The following RNGTT variants were observed in gnomAD, a reference collection of about 807,000 sequenced individuals.
The protein encoded by RNGTT is mRNA-capping enzyme.
A neutral mutation model predicts 79.3 loss-of-function variants in RNGTT; 33 were observed. That is an observed-to-expected ratio of 0.42 (90% confidence interval 0.32 to 0.56). The LOEUF (loss-of-function observed/expected upper bound fraction) is 0.56. RNGTT is among the 20% of genes least tolerant of loss of function. The pLI, the probability that RNGTT is intolerant of heterozygous loss-of-function variation, is 0.17. For missense variants in RNGTT, 497 were observed against 739.1 expected, an observed-to-expected ratio of 0.67 and a Z score of 3.80; for synonymous variants, 222 against 235.9, an observed-to-expected ratio of 0.94 and a Z score of 0.54.
intron 1 of RNGTT, among the ~76,000 whole-genome samples, chr6:88,954,920 T>C (rs567912640): frequency 1.4e-4 from 22 of 151,994 alleles, no homozygotes; most frequent in Admixed American, 8.5e-4. Context: ...TAAAAATACA[T>C]GGTGGCACGG....
At chr6:88,935,785 CT>C (rs1238846737) in intron 2 of RNGTT, among the ~76,000 whole-genome samples, 1 of 152,066 alleles carries the variant, frequency 6.6e-6, no homozygotes, top group Non-Finnish European at 1.5e-5. Flanking sequence ...CTTTCACTTC[CT>C]TGGTTAAATT....
chr6:88,943,321 G>A (rs1275108636), intron 1 of RNGTT, among the ~76,000 whole-genome samples: 2 of 152,088 alleles, frequency 1.3e-5, no homozygotes, highest in African/African-American at 4.8e-5. Flanking sequence ...TCTTTTAGCA[G>A]CTCAAGACCA....
chr6:88,780,560 C>T (rs1013056553), intron 12 of RNGTT, among the ~76,000 whole-genome samples: 2 of 151,838 alleles, frequency 1.3e-5, no homozygotes, highest in African/African-American at 4.8e-5. Flanking sequence ...AAATAATTAT[C>T]AGAGCTATAG....
intron 12 of RNGTT, among the ~76,000 whole-genome samples, chr6:88,789,278 C>T (rs570538115): frequency 3.2e-4 from 48 of 152,110 alleles, no homozygotes; most frequent in African/African-American, 1.2e-3. Flanking sequence ...AAAATTAGGC[C>T]GGGTGTGTTA....
intron 1 of RNGTT, among the ~76,000 whole-genome samples, chr6:88,958,893 A>G (rs1014195213): frequency 3.9e-5 from 6 of 152,230 alleles, no homozygotes; most frequent in African/African-American, 1.4e-4. Flanking sequence ...TATCTGAAAA[A>G]GCCACTTGCA....
intron 11 of RNGTT, among the ~76,000 whole-genome samples, chr6:88,824,782 T>C (rs993839349): frequency 4.0e-5 from 6 of 151,556 alleles, no homozygotes; most frequent in Non-Finnish European, 8.8e-5. Flanking sequence ...GGAGACGTCT[T>C]ACTCTGTCAT....
chr6:88,782,751 C>T (rs886666456), intron 12 of RNGTT, among the ~76,000 whole-genome samples: 3 of 152,038 alleles, frequency 2.0e-5, no homozygotes, highest in Admixed American at 6.6e-5. Context: ...AGACACTTCT[C>T]AAAATAAGAA....
chr6:88,912,455 T>C (rs1582122440), intron 4 of RNGTT, among the ~76,000 whole-genome samples: 2 of 151,992 alleles, frequency 1.3e-5, no homozygotes, highest in Admixed American at 1.3e-4. Flanking sequence ...AACTATCTAA[T>C]ATCGCATCTA....
At position 88,890,674 on chromosome 6, in the gene RNGTT, A is replaced by T. The variant is rs528497449; in HGVS notation, c.795-78T>A. 39 of 850,904 alleles carry T rather than the reference A, an allele frequency of 4.6e-5. No individual in the cohort carries two copies. In the South Asian group the frequency reaches 6.1e-4, roughly 13 times the overall value. 52.7% of individuals were successfully genotyped at this position (850,904 alleles called of 1,614,324 possible). On this transcript the variant is annotated intron_variant, in intron 7 of 15. Transcript: ENST00000369485. Reference sequence around the variant, plus strand: ...ACATGTCTTAAACCAATCTCAAATGAATCACACATTTATCACAATGTTCTC... The same window carrying T: ...ACATGTCTTAAACCAATCTCAAATGTATCACACATTTATCACAATGTTCTC...
intron 14 of RNGTT, among the ~76,000 whole-genome samples, chr6:88,645,897 A>G (rs1773531119): frequency 1.3e-5 from 2 of 152,176 alleles, no homozygotes; most frequent in African/African-American, 4.8e-5. Context: ...AACCATAAAA[A>G]CCCTAGAAGA....
At chr6:88,752,951 T>C (rs770751309) in intron 13 of RNGTT, among the ~76,000 whole-genome samples, 7 of 152,078 alleles carry the variant, frequency 4.6e-5, no homozygotes, top group Non-Finnish European at 5.9e-5. Context: ...CCTACAGATA[T>C]TATCAAGATT....
chr6:88,905,066 T>C lies in RNGTT; in HGVS notation c.444-111A>G, dbSNP rs937926496. Reference sequence around the variant, plus strand: ...CCATATAAAGTACAACAGAAGTTTATAAAATGGGCAAATCACAATCCTCAC... The same window carrying C: ...CCATATAAAGTACAACAGAAGTTTACAAAATGGGCAAATCACAATCCTCAC... On this transcript the variant is annotated intron_variant, in intron 5 of 15. Coordinates refer to ENST00000369485, the MANE Select transcript of RNGTT (RefSeq NM_003800.5). The C allele has an allele frequency of 1.4e-5, 19 of 1,343,762 alleles. No individual in the cohort carries two copies. In the East Asian group the frequency reaches 3.2e-4, roughly 23 times the overall value. 83.2% of individuals were successfully genotyped at this position (1,343,762 alleles called of 1,614,324 possible).
intron 14 of RNGTT, among the ~76,000 whole-genome samples, chr6:88,659,330 T>C (rs1300897823): frequency 1.3e-5 from 2 of 151,630 alleles, no homozygotes; most frequent in Non-Finnish European, 2.9e-5. Flanking sequence ...ATTTAGAAGG[T>C]TGATTATTAA....
At chr6:88,678,709 A>G (rs1235890433) in intron 13 of RNGTT, among the ~76,000 whole-genome samples, 1 of 152,112 alleles carries the variant, frequency 6.6e-6, no homozygotes, top group Non-Finnish European at 1.5e-5. Context: ...GCTTGACTCC[A>G]GGAGTCCAAG....
intron 8 of RNGTT, among the ~76,000 whole-genome samples, chr6:88,873,125 G>A (rs1782408278): frequency 6.6e-6 from 1 of 152,074 alleles, no homozygotes; most frequent in Non-Finnish European, 1.5e-5. Flanking sequence ...GGGTAGTGAG[G>A]GAAGAGCACC....
intron 8 of RNGTT, among the ~76,000 whole-genome samples, chr6:88,862,603 A>G (rs1172990371): frequency 1.3e-5 from 2 of 152,158 alleles, no homozygotes; most frequent in East Asian, 3.9e-4. Context: ...GGTTGTGAGA[A>G]CTCCAAATTG....
chr6:88,850,517 C>A (rs1488089544), intron 9 of RNGTT, among the ~76,000 whole-genome samples: 1 of 151,742 alleles, frequency 6.6e-6, no homozygotes, highest in Admixed American at 6.6e-5. Context: ...ATTTTTCTTT[C>A]CTCATATTCT....
intron 14 of RNGTT, among the ~76,000 whole-genome samples, chr6:88,669,153 TTTAATCCAAGGGGAGATCCACAAGC>T: frequency 6.6e-6 from 1 of 152,172 alleles, no homozygotes; most frequent in South Asian, 2.1e-4. Context: ...GAGTCAACCT[TTTAATCCAAGGGGAGATCCACAAGC>T]GCTCCCCCAA....
intron 12 of RNGTT, among the ~76,000 whole-genome samples, chr6:88,800,200 A>G (rs1779739621): frequency 6.6e-6 from 1 of 152,190 alleles, no homozygotes; most frequent in Non-Finnish European, 1.5e-5. Context: ...GCCTTCTCTG[A>G]AATGCTTAGG....
Sources: gnomAD v4.1 joint callset for allele counts (sites outside exome capture counted in the v4.1 genomes callset) on GRCh38, gnomAD v4.1.1 for gene constraint, MANE v1.5 for transcripts, NCBI Gene and HGNC (gene_info 2026-07-23, HGNC 2026-07-21) for gene names.